Variants in C3orf52 observed in about 807,000 individuals in gnomAD.
C3orf52 encodes the protein chromosome 3 open reading frame 52.
A neutral mutation model predicts 24.8 loss-of-function variants in C3orf52; 22 were observed. The ratio of observed to expected loss-of-function variants is 0.89; its 90% CI spans 0.63 to 1.27. The LOEUF (loss-of-function observed/expected upper bound fraction) is 1.27. C3orf52 is among the 50% of genes most tolerant of loss of function. The pLI is 0.00. For synonymous variants in C3orf52, 93 were observed against 100.2 expected, an observed-to-expected ratio of 0.93 and a Z score of 0.43; for missense variants, 265 against 260.7, an observed-to-expected ratio of 1.02 and a Z score of -0.11.
chr3:112,088,349 G>A (rs1244090440), intron 1 of C3orf52, among the ~76,000 whole-genome samples: 1 of 152,192 alleles, frequency 6.6e-6, no homozygotes, highest in African/African-American at 2.4e-5. Context: ...TAAGAATTTT[G>A]TGTGTTGGTC....
Position 112,086,532 on chromosome 3 carries a change from T to G in C3orf52, c.125T>G (p.Val42Gly). ...DKVFPSLDEEVPPAEANKESP... is the reference protein window; with the variant it reads ...DKVFPSLDEEGPPAEANKESP... ...GTCTTCCCTTCTTTGGACGAGGAGG[T>G]CCCCCCGGCCGAGGTAAGGTCCCCT... Residue 42 changes from valine (V) to glycine (G), a missense_variant, in exon 1 of 6, where the codon GTC becomes GGC. Coordinates refer to ENST00000264848, the MANE Select transcript of C3orf52 (RefSeq NM_024616.3). The G allele has an allele frequency of 6.5e-7, 1 of 1,543,300 alleles. No homozygotes were observed. Among genetic ancestry groups the G allele is most frequent in the Non-Finnish European group, 8.7e-7 (1 of 1,143,094 alleles).
At chr3:112,111,446 T>A (rs2074081952) in intron 4 of C3orf52, 1 of 152,192 alleles carries the variant, frequency 6.6e-6, no homozygotes, top group Non-Finnish European at 1.5e-5. Context: ...AAAAATGCCC[T>A]TTGGTTTATT....
chr3:112,112,264 G>A (rs1430604269), intron 4 of C3orf52: 1 of 152,302 alleles, frequency 6.6e-6, no homozygotes, highest in African/African-American at 2.4e-5. Flanking sequence ...GGGAAAAAAT[G>A]TTCTAGGAAG....
At chr3:112,119,110 C>T (rs578176979), downstream of C3orf52, among the ~76,000 whole-genome samples, 1 of 152,220 alleles carries the variant, frequency 6.6e-6, no homozygotes, top group South Asian at 2.1e-4. Context: ...AGTCTGGGCG[C>T]GGTGGCTCAA....
intron 2 of C3orf52, 128 bp from the exon 3 acceptor site, chr3:112,102,710 G>A (rs968640181): frequency 1.9e-5 from 16 of 832,030 alleles, no homozygotes; most frequent in Middle Eastern, 3.7e-4. Context: ...CTTGCTTGCT[G>A]TGTTCAGCCT....
chr3:112,109,583 AT>A lies in C3orf52; in HGVS notation c.441del (p.Phe147LeufsTer6). ...VYSTSPSLGRYFTSVEIVDFS... is the reference protein window; with the variant it reads ...VYSTSPSLGRXFTSVEIVDFS... ...AGTACATCGCCCTCTCTGGGTCGTT[AT>A]TTTACTTCAGTTGAAATAGTGGACT... On this transcript the variant is annotated frameshift_variant, in exon 4 of 6. Coordinates refer to ENST00000264848, the MANE Select transcript of C3orf52 (RefSeq NM_024616.3). LOFTEE classifies it high-confidence loss of function. 6.2e-7 allele frequency: 1 copy of A among 1,602,112 alleles called. No homozygotes were observed. The highest frequency in any genetic ancestry group is 8.5e-7 in the Non-Finnish European group (1 of 1,169,920).
chr3:112,124,600 C>T (rs1409767023), intron 4 of C3orf52, among the ~76,000 whole-genome samples: 7 of 152,124 alleles, frequency 4.6e-5, no homozygotes, highest in Non-Finnish European at 1.0e-4. Context: ...AAGAGCAAAA[C>T]TCTGTCTCCA....
At chr3:112,124,347 A>T (rs2074262591) in intron 4 of C3orf52, among the ~76,000 whole-genome samples, 1 of 152,162 alleles carries the variant, frequency 6.6e-6, no homozygotes, top group African/African-American at 2.4e-5. Flanking sequence ...GGTGGCTCAC[A>T]CTTGTAATCC....
Position 112,117,197 on chromosome 3 carries a change from C to G in C3orf52, c.*551C>G, listed in dbSNP as rs145610606. 8.2e-3 allele frequency: 4,408 copies of G among 538,144 alleles called. 32 individuals are homozygous for G. The highest frequency in any genetic ancestry group is 0.011 in the Non-Finnish European group (3,276 of 304,252). The allele number at this position is 538,144 out of a possible 1,614,324, so 33.3% of individuals were successfully genotyped here. A position where few individuals can be genotyped will look rare whatever the true frequency, so the allele number is the denominator to read the frequency against. On this transcript the variant is annotated 3_prime_UTR_variant, in exon 6 of 6. Coordinates refer to ENST00000264848, the MANE Select transcript of C3orf52 (RefSeq NM_024616.3). Reference sequence around the variant, plus strand: ...TTCACTGAAGTCATCCTCCTCCCCCCCACCATTCGATTTGATCTACCTCTA... The same window carrying G: ...TTCACTGAAGTCATCCTCCTCCCCCGCACCATTCGATTTGATCTACCTCTA...
At chr3:112,097,779 G>A (rs2073938775) in intron 2 of C3orf52, among the ~76,000 whole-genome samples, 1 of 152,138 alleles carries the variant, frequency 6.6e-6, no homozygotes, top group Admixed American at 6.5e-5. Context: ...TCTCTACCAA[G>A]ATGGACACCC....
intron 2 of C3orf52, among the ~76,000 whole-genome samples, chr3:112,098,949 A>C (rs2073948712): frequency 6.6e-6 from 1 of 152,088 alleles, no homozygotes; most frequent in African/African-American, 2.4e-5. Flanking sequence ...CTCATGTTGA[A>C]TGATAAGAGG....
chr3:112,104,750 G>A (rs1270769495), intron 3 of C3orf52, among the ~76,000 whole-genome samples: 5 of 152,078 alleles, frequency 3.3e-5, no homozygotes, highest in Admixed American at 6.6e-5. Flanking sequence ...CCCGAGCAGT[G>A]TACACTGTGC....
At chr3:112,119,441 A>G (rs1399218462), downstream of C3orf52, 1 of 702,644 alleles carries the variant, frequency 1.4e-6, no homozygotes, top group African/African-American at 1.7e-5. Flanking sequence ...AAGAGTGGTC[A>G]GTATAATCAG....
chr3:112,101,737 C>T (rs1185169554), intron 2 of C3orf52, among the ~76,000 whole-genome samples: 3 of 152,196 alleles, frequency 2.0e-5, no homozygotes, highest in African/African-American at 7.2e-5. Flanking sequence ...GTCCTTCCAT[C>T]TCAAACACTG....
chr3:112,087,142 T>G (rs1364471987), intron 1 of C3orf52, among the ~76,000 whole-genome samples: 3 of 148,646 alleles, frequency 2.0e-5, no homozygotes, highest in Non-Finnish European at 4.5e-5. Flanking sequence ...GGAGAAGGGG[T>G]AGGGCTGGCG....
chr3:112,121,560 C>T (rs1239181392), downstream of C3orf52: 1 of 152,120 alleles, frequency 6.6e-6, no homozygotes, highest in Admixed American at 6.5e-5. Context: ...GTCGCTGGGT[C>T]TACACTCTTT....
intron 3 of C3orf52, among the ~76,000 whole-genome samples, chr3:112,108,496 A>T (rs756332778): frequency 3.9e-5 from 6 of 152,222 alleles, no homozygotes; most frequent in Non-Finnish European, 8.8e-5. Context: ...AAACTCCCGC[A>T]TGTCCAAGAA....
intron 1 of C3orf52, among the ~76,000 whole-genome samples, chr3:112,092,359 T>C (rs1172512508): frequency 3.3e-5 from 5 of 152,222 alleles, no homozygotes; most frequent in African/African-American, 1.2e-4. Context: ...AGACACATTT[T>C]TTCCCCATTG....
chr3:112,125,098 C>A, intron 4 of C3orf52: 1 of 706,640 alleles, frequency 1.4e-6, no homozygotes, highest in East Asian at 2.5e-5. Flanking sequence ...AGTTCACAAG[C>A]ACTGACATCT....
Sources: gnomAD v4.1 joint callset for allele counts (sites outside exome capture counted in the v4.1 genomes callset) on GRCh38, gnomAD v4.1.1 for gene constraint, MANE v1.5 for transcripts, NCBI Gene and HGNC (gene_info 2026-07-23, HGNC 2026-07-21) for gene names.